MICAL2: variants seen among roughly 807,000 people sequenced by gnomAD.
The protein encoded by MICAL2 is [F-actin]-monooxygenase MICAL2.
In MICAL2, 77 loss-of-function variants were observed where a neutral mutation model predicts 127.3. That is an observed-to-expected ratio of 0.60 (90% CI 0.50 to 0.73). The LOEUF (loss-of-function observed/expected upper bound fraction) is 0.73. Among genes scored for constraint, MICAL2 ranks in the 30% least tolerant of loss-of-function variants. MICAL2 has a pLI of 0.00. For synonymous variants in MICAL2, 570 were observed against 551.1 expected, an observed-to-expected ratio of 1.03 and a Z score of -0.48; for missense variants, 1,351 against 1,434.4, an observed-to-expected ratio of 0.94 and a Z score of 0.94.
downstream of MICAL2, among the ~76,000 whole-genome samples, chr11:12,288,614 G>C (rs559044758): frequency 5.9e-5 from 9 of 152,340 alleles, no homozygotes; most frequent in South Asian, 1.9e-3. Flanking sequence ...CTTGAGTTTT[G>C]ATCATTTCAA....
intron 3 of MICAL2, among the ~76,000 whole-genome samples, chr11:12,199,904 G>C (rs1033667508): frequency 3.3e-5 from 5 of 152,194 alleles, no homozygotes; most frequent in Non-Finnish European, 7.3e-5. Context: ...TGTCACCTGA[G>C]CACACAGATA....
downstream of MICAL2, chr11:12,292,298 G>A (rs200949393): frequency 2.7e-4 from 435 of 1,613,872 alleles, no homozygotes; most frequent in Non-Finnish European, 3.4e-4. Flanking sequence ...CCCGCCTCAG[G>A]TGAGTGTCCC....
At chr11:12,122,554 A>T (rs1397044854) in intron 1 of MICAL2, among the ~76,000 whole-genome samples, 3 of 152,102 alleles carry the variant, frequency 2.0e-5, no homozygotes, top group Non-Finnish European at 4.4e-5. Context: ...GATTACAGGC[A>T]TGTGTCACCA....
At chr11:12,294,367 C>A (rs201839401), downstream of MICAL2, 3,197 of 1,614,192 alleles carry the variant, frequency 2.0e-3, 13 homozygotes, top group Non-Finnish European at 1.5e-3. Context: ...CTCGCTCATT[C>A]AGCCTTCGGA....
chr11:12,170,089 A>G (rs1357574840), intron 3 of MICAL2, among the ~76,000 whole-genome samples: 3 of 152,118 alleles, frequency 2.0e-5, no homozygotes, highest in African/African-American at 7.2e-5. Flanking sequence ...CAGTTTTATT[A>G]CCACCACCAA....
At position 12,123,675 on chromosome 11, in the gene MICAL2, T is replaced by G. The variant is rs144946972; in HGVS notation, c.-149+12949T>G. Among the ~76,000 whole-genome samples, 1,330 of 152,322 alleles carry G rather than the reference T, an allele frequency of 8.7e-3. 8 individuals carry two copies. Among genetic ancestry groups the G allele is most frequent in the Non-Finnish European group, 0.013 (887 of 68,032 alleles). On this transcript the variant is annotated intron_variant, in intron 1 of 27. Coordinates refer to ENST00000683283, the MANE Select transcript of MICAL2 (RefSeq NM_001282663.2). ...AGGTTTCAGGGGGTTTTAAGACACA[T>G]TCTGCTTTCAGACATTTTATAATGG...
intron 1 of MICAL2, among the ~76,000 whole-genome samples, chr11:12,278,292 G>C (rs909531259): frequency 9.5e-4 from 144 of 152,144 alleles, no homozygotes; most frequent in Admixed American, 9.4e-3. Context: ...ACATTGAATA[G>C]CTGGAAAAAT....
intron 1 of MICAL2, among the ~76,000 whole-genome samples, chr11:12,120,185 C>G (rs1850390289): frequency 1.3e-5 from 2 of 152,248 alleles, no homozygotes; most frequent in African/African-American, 4.8e-5. Flanking sequence ...ACCTTTGTTC[C>G]TAGCCCTTGT....
In MICAL2 at chr11:12,234,452, T is replaced by G. The variant is rs527299044; in HGVS notation, c.1996-1725T>G. Among the ~76,000 whole-genome samples, 8 of 152,306 alleles carry G rather than the reference T, an allele frequency of 5.3e-5. No homozygotes were observed. The East Asian group carries it at 1.5e-3, about 29-fold the overall frequency. On this transcript the variant is annotated intron_variant, in intron 15 of 27. Coordinates refer to ENST00000683283, the MANE Select transcript of MICAL2 (RefSeq NM_001282663.2). Reference sequence around the variant, plus strand: ...TGGGGGTCCAGACAGCCTGTTCCTCTAAGACCCAACATTGTTGCAAATAAG... The same window carrying G: ...TGGGGGTCCAGACAGCCTGTTCCTCGAAGACCCAACATTGTTGCAAATAAG...
chr11:12,162,023 C>T lies in MICAL2; in HGVS notation c.-77-56C>T, dbSNP rs1467096831. On this transcript the variant is annotated intron_variant, in intron 2 of 27. Transcript: ENST00000683283. ...TGCATTTTTACTTCTCAGCACCCATCCCCCACCCTAACCTCATCGTCCAAA... is the reference window on the plus strand; with the variant it reads ...TGCATTTTTACTTCTCAGCACCCATTCCCCACCCTAACCTCATCGTCCAAA... The T allele has an allele frequency of 5.7e-6, 7 of 1,223,670 alleles. No individual in the cohort carries two copies. In the Admixed American group the frequency reaches 1.2e-4, roughly 21 times the overall value. The allele number at this position is 1,223,670 out of a possible 1,614,324, so 75.8% of individuals were successfully genotyped here. A position where few individuals can be genotyped will look rare whatever the true frequency, so the allele number is the denominator to read the frequency against.
intron 1 of MICAL2, among the ~76,000 whole-genome samples, chr11:12,133,089 A>G (rs1433808242): frequency 6.6e-6 from 1 of 151,830 alleles, no homozygotes; most frequent in African/African-American, 2.4e-5. Flanking sequence ...ATTTTGTATT[A>G]TTTATTTTAT....
chr11:12,136,516 G>A (rs1270937221), intron 1 of MICAL2, among the ~76,000 whole-genome samples: 1 of 152,120 alleles, frequency 6.6e-6, no homozygotes, highest in African/African-American at 2.4e-5. Context: ...AGTTTTGTCG[G>A]TGTCTCTAAA....
At chr11:12,310,720 G>C (rs1864164225) in intron 29 of MICAL2, among the ~76,000 whole-genome samples, 1 of 151,898 alleles carries the variant, frequency 6.6e-6, no homozygotes, top group South Asian at 2.1e-4. Context: ...GAATGTCATT[G>C]GTATTTTGAT....
chr11:12,213,526 T>TC, intron 7 of MICAL2, 116 bp downstream of exon 7: 4 of 1,000,782 alleles, frequency 4.0e-6, no homozygotes, highest in Non-Finnish European at 5.8e-6. Flanking sequence ...CTCACTCTGA[T>TC]AGAGTGGAAG....
chr11:12,134,568 G>A (rs562990301), intron 1 of MICAL2, among the ~76,000 whole-genome samples: 1 of 152,278 alleles, frequency 6.6e-6, no homozygotes, highest in Admixed American at 6.5e-5. Context: ...TGGCTTCCTG[G>A]GTCTCACTGG....
intron 2 of MICAL2, among the ~76,000 whole-genome samples, chr11:12,142,476 T>C (rs1455394725): frequency 6.6e-6 from 1 of 152,210 alleles, no homozygotes; most frequent in Non-Finnish European, 1.5e-5. Flanking sequence ...GCAGGCCTTG[T>C]TGTGAGAACC....
chr11:12,111,218 T>G (rs1429290958), intron 1 of MICAL2, among the ~76,000 whole-genome samples: 1 of 152,160 alleles, frequency 6.6e-6, no homozygotes, highest in Admixed American at 6.5e-5. Context: ...GAAGTTAAGT[T>G]GGGCCAAATG....
intron 8 of MICAL2, among the ~76,000 whole-genome samples, chr11:12,218,289 C>G (rs181726054): frequency 1.3e-5 from 2 of 152,220 alleles, no homozygotes; most frequent in Non-Finnish European, 2.9e-5. Context: ...CTGGCCCATA[C>G]GTGTGTGGGC....
At chr11:12,272,002 T>TCTGAGAGG (rs1863680665), upstream of MICAL2, among the ~76,000 whole-genome samples, 1 of 152,196 alleles carries the variant, frequency 6.6e-6, no homozygotes, top group African/African-American at 2.4e-5. Flanking sequence ...TGGCCCTGGC[T>TCTGAGAGG]CTGTGCTCTG....
Sources: gnomAD v4.1 joint callset for allele counts (sites outside exome capture counted in the v4.1 genomes callset) on GRCh38, gnomAD v4.1.1 for gene constraint, MANE v1.5 for transcripts, NCBI Gene and HGNC (gene_info 2026-07-23, HGNC 2026-07-21) for gene names.